ADAMTS2: variants seen among roughly 807,000 people sequenced by gnomAD.
The protein encoded by ADAMTS2 is A disintegrin and metalloproteinase with thrombospondin motifs 2.
ADAMTS2 carries 50 observed loss-of-function variants against 123.0 expected under a neutral mutation model. The ratio of observed to expected loss-of-function variants is 0.41; its 90% CI spans 0.32 to 0.51. The LOEUF is 0.51. Ranked by LOEUF, ADAMTS2 falls within the 20% of genes least tolerant of loss-of-function variation. The probability of loss-of-function intolerance (pLI) is 0.35; values close to 1 mark genes in which losing one functional copy is unlikely to be tolerated. For missense variants in ADAMTS2, 1,494 were observed against 1,705.2 expected, an observed-to-expected ratio of 0.88 and a Z score of 2.18; for synonymous variants, 678 against 695.4, an observed-to-expected ratio of 0.98 and a Z score of 0.39.
chr5:179,154,742 G>A lies in ADAMTS2; in HGVS notation c.1238+72C>T, dbSNP rs1763435408. The A allele has an allele frequency of 3.1e-6, 4 of 1,273,234 alleles. No homozygotes were observed. In the Admixed American group the frequency reaches 7.9e-5, roughly 25 times the overall value. The allele number at this position is 1,273,234 out of a possible 1,614,324, so 78.9% of individuals were successfully genotyped here. On this transcript the variant is annotated intron_variant, in intron 7 of 21. Coordinates refer to ENST00000251582, the MANE Select transcript of ADAMTS2 (RefSeq NM_014244.5). Reference sequence around the variant, plus strand: ...GGCGTGTCCCTCTTAAGGCACAGAGGAGAAGTGGGCAGCCAGGGCTGGGGA... The same window carrying A: ...GGCGTGTCCCTCTTAAGGCACAGAGAAGAAGTGGGCAGCCAGGGCTGGGGA...
intron 10 of ADAMTS2, among the ~76,000 whole-genome samples, chr5:179,147,836 G>A (rs1581152478): frequency 6.6e-6 from 1 of 152,226 alleles, no homozygotes; most frequent in Admixed American, 6.5e-5. Flanking sequence ...CCCACGGGAG[G>A]AGAATTGTAT....
intron 2 of ADAMTS2, among the ~76,000 whole-genome samples, chr5:179,329,083 T>G (rs935474671): frequency 6.6e-6 from 1 of 152,124 alleles, no homozygotes; most frequent in Non-Finnish European, 1.5e-5. Flanking sequence ...ATCCCAGCAC[T>G]TTGGGAGGCC....
At chr5:179,325,157 C>T (rs537140615) in intron 2 of ADAMTS2, among the ~76,000 whole-genome samples, 1 of 152,226 alleles carries the variant, frequency 6.6e-6, no homozygotes, top group East Asian at 1.9e-4. Context: ...TGTGATCTTT[C>T]GGAGCTCCTG....
rs747653130 is a variant in ADAMTS2, at chr5:179,128,007, C to T, written c.2569G>A (p.Glu857Lys). 20 of 1,613,976 alleles carry T rather than the reference C, an allele frequency of 1.2e-5. No individual in the cohort carries two copies. Among genetic ancestry groups the T allele is most frequent in the Middle Eastern group, 1.6e-4 (1 of 6,082 alleles). ...GGAGACCACTTCTTCAGGGCCCACT[C>T]GTAGACCACAGAGTCCTCTTCCAGG... Reference protein sequence around the residue: ...NVLEEDSVVYEWALKKWSPCS... With the variant: ...NVLEEDSVVYKWALKKWSPCS... Residue 857 changes from glutamate to lysine, a missense_variant, in exon 17 of 22, where the codon GAG becomes AAG. Coordinates refer to ENST00000251582, the MANE Select transcript of ADAMTS2 (RefSeq NM_014244.5). The surrounding 1 kb of genome is among the most constrained non-coding windows in gnomAD (Gnocchi z 4.9).
chr5:179,133,461 G>T (rs1763000284), intron 13 of ADAMTS2, among the ~76,000 whole-genome samples: 1 of 151,440 alleles, frequency 6.6e-6, no homozygotes, highest in African/African-American at 2.4e-5. Flanking sequence ...AGTACAACGG[G>T]GTTTCACCAT....
chr5:179,298,778 T>C (rs929888333), intron 2 of ADAMTS2, among the ~76,000 whole-genome samples: 3 of 152,172 alleles, frequency 2.0e-5, no homozygotes, highest in Admixed American at 6.5e-5. Context: ...GATGCAGATA[T>C]AAATGCTGAC....
intron 2 of ADAMTS2, among the ~76,000 whole-genome samples, chr5:179,320,652 C>T (rs1322349240): frequency 1.3e-5 from 2 of 152,146 alleles, no homozygotes; most frequent in Non-Finnish European, 2.9e-5. Context: ...GCCCCTGTGT[C>T]ACTCAGGAAC....
At chr5:179,235,077 T>A (rs1765493921) in intron 3 of ADAMTS2, among the ~76,000 whole-genome samples, 1 of 152,156 alleles carries the variant, frequency 6.6e-6, no homozygotes, top group South Asian at 2.1e-4. Context: ...TATTCAGTCT[T>A]CAAAACCCAG....
rs1271504703 is a variant in ADAMTS2 at position 179,197,789 on chromosome 5, T to G, written c.891+9724A>C. ...AAGGCATTCATCCCTGCCTCCCATTTACCTGAGCCTGCAGAAGAGTCCCTG... is the reference window on the plus strand; with the variant it reads ...AAGGCATTCATCCCTGCCTCCCATTGACCTGAGCCTGCAGAAGAGTCCCTG... On this transcript the variant is annotated intron_variant, in intron 4 of 21. Coordinates refer to ENST00000251582, the MANE Select transcript of ADAMTS2 (RefSeq NM_014244.5). The surrounding 1 kb of genome is among the most constrained non-coding windows in gnomAD (Gnocchi z 4.2). Among the ~76,000 whole-genome samples, 1 of 152,214 alleles carries G rather than the reference T, an allele frequency of 6.6e-6. No individual in the cohort carries two copies. Among genetic ancestry groups the G allele is most frequent in the Non-Finnish European group, 1.5e-5 (1 of 68,028 alleles).
Position 179,154,843 on chromosome 5 carries a change from C to G in ADAMTS2, c.1209G>C (p.Ala403=). The G allele has an allele frequency of 6.2e-7, 1 of 1,613,172 alleles. No homozygotes were observed. The highest frequency in any genetic ancestry group is 8.5e-7 in the Non-Finnish European group (1 of 1,179,750). The change falls in exon 7 of 22, where the codon GCG becomes GCC. Residue 403 remains alanine, a synonymous_variant. Transcript: ENST00000251582. ...GGCCAGTCTCATGGGCCACCACAAACGCTGAGGAGAAGCCGTCCTCATGGT... is the reference window on the plus strand; with the variant it reads ...GGCCAGTCTCATGGGCCACCACAAAGGCTGAGGAGAAGCCGTCCTCATGGT... ...TLNHEDGFSS[A]FVVAHETGHV...
intron 5 of ADAMTS2, among the ~76,000 whole-genome samples, chr5:179,174,220 T>C (rs1334235667): frequency 6.6e-6 from 1 of 152,188 alleles, no homozygotes; most frequent in Non-Finnish European, 1.5e-5. Flanking sequence ...TATTTTTCCA[T>C]ATGGGCTTTC....
At chr5:179,266,205 T>C (rs932838949) in intron 3 of ADAMTS2, among the ~76,000 whole-genome samples, 2 of 152,198 alleles carry the variant, frequency 1.3e-5, no homozygotes, top group Admixed American at 6.5e-5. Context: ...CACTTAGACA[T>C]GTCAGCTGAA....
chr5:179,183,035 G>A (rs1191446139), intron 4 of ADAMTS2, among the ~76,000 whole-genome samples: 2 of 152,172 alleles, frequency 1.3e-5, no homozygotes, highest in Non-Finnish European at 2.9e-5. Context: ...CGTCATGCAG[G>A]TGCAATGGAA....
At chr5:179,334,091 G>T (rs1375226583) in intron 2 of ADAMTS2, among the ~76,000 whole-genome samples, 1 of 152,174 alleles carries the variant, frequency 6.6e-6, no homozygotes, top group African/African-American at 2.4e-5. Context: ...CTGGACAGAG[G>T]GAGGGAGACG....
intron 2 of ADAMTS2, among the ~76,000 whole-genome samples, chr5:179,286,651 C>T (rs919562593): frequency 1.3e-5 from 2 of 152,168 alleles, no homozygotes. Flanking sequence ...CCCAGGTAGA[C>T]TGCCAGCACC....
chr5:179,216,514 T>C (rs1409831916), intron 3 of ADAMTS2, among the ~76,000 whole-genome samples: 1 of 151,606 alleles, frequency 6.6e-6, no homozygotes, highest in African/African-American at 2.4e-5. Context: ...CCGCTGCAGG[T>C]CCAGCGCGTG....
At chr5:179,265,711 G>A (rs907514721) in intron 3 of ADAMTS2, among the ~76,000 whole-genome samples, 20 of 152,188 alleles carry the variant, frequency 1.3e-4, no homozygotes, top group South Asian at 2.1e-4. Context: ...CACCCCTTCC[G>A]CGTGGGCCAC....
intron 5 of ADAMTS2, among the ~76,000 whole-genome samples, chr5:179,172,895 G>GC (rs932126550): frequency 2.0e-5 from 3 of 151,986 alleles, no homozygotes; most frequent in Non-Finnish European, 4.4e-5. Flanking sequence ...TTAAAATGCA[G>GC]TGTTTTGTTT....
Position 179,245,790 on chromosome 5 carries a change from A to C in ADAMTS2, c.688+27121T>G, listed in dbSNP as rs1765785043. ...CAAAAAAAAAAAAAAAAAAAAAAAA[A>C]AAAAACAAAAAAAACAAAGATGGGG... On this transcript the variant is annotated intron_variant, in intron 3 of 21. Transcript: ENST00000251582. Among the ~76,000 whole-genome samples the C allele has an allele frequency of 4.7e-4, 65 of 138,566 alleles. 1 individual carries two copies. Among genetic ancestry groups the C allele is most frequent in the Non-Finnish European group, 7.8e-4 (50 of 64,022 alleles). The allele number at this position is 138,566 out of a possible 152,430, so 90.9% of individuals were successfully genotyped here.
Sources: gnomAD v4.1 joint callset for allele counts (sites outside exome capture counted in the v4.1 genomes callset) on GRCh38, gnomAD v4.1.1 for gene constraint, Gnocchi (gnomAD v3.1) non-coding constraint, MANE v1.5 for transcripts, NCBI Gene and HGNC (gene_info 2026-07-23, HGNC 2026-07-21) for gene names.